EPHB2: variants seen among roughly 807,000 people sequenced by gnomAD.
The protein encoded by EPHB2 is EPH receptor B2.
A neutral mutation model predicts 96.4 loss-of-function variants in EPHB2; 18 were observed. The ratio of observed to expected loss-of-function variants is 0.19; its 90% confidence interval spans 0.13 to 0.28. The LOEUF is 0.28. EPHB2 is among the 10% of genes least tolerant of loss of function. The pLI is 1.00. For missense variants in EPHB2, 989 were observed against 1,355.4 expected (o/e 0.73, Z 4.25); for synonymous variants, 506 against 534.1 (o/e 0.95, Z 0.72).
At chr1:22,832,673 G>C (rs1203891325) in intron 3 of EPHB2, among the ~76,000 whole-genome samples, 1 of 152,124 alleles carries the variant, frequency 6.6e-6, no homozygotes, top group African/African-American at 2.4e-5. Flanking sequence ...GACCACACAA[G>C]AGCCTGGTTA....
chr1:22,721,778 G>A (rs557668156), intron 1 of EPHB2, among the ~76,000 whole-genome samples: 1 of 149,610 alleles, frequency 6.7e-6, no homozygotes, highest in South Asian at 2.1e-4. Flanking sequence ...ACCGCATCCA[G>A]CATTTTTTTT....
intron 3 of EPHB2, among the ~76,000 whole-genome samples, chr1:22,850,876 G>T (rs1258096112): frequency 6.6e-6 from 1 of 152,264 alleles, no homozygotes; most frequent in Admixed American, 6.5e-5. Context: ...TCTCAGGGCA[G>T]CCAAGAGGTC....
At chr1:22,868,614 G>T (rs1270639698) in intron 5 of EPHB2, among the ~76,000 whole-genome samples, 2 of 152,120 alleles carry the variant, frequency 1.3e-5, no homozygotes, top group Admixed American at 6.6e-5. Flanking sequence ...AGCCACCCCA[G>T]GCTTGTTTCT....
intron 2 of EPHB2, among the ~76,000 whole-genome samples, chr1:22,783,611 G>T (rs1644565551): frequency 6.6e-6 from 1 of 152,234 alleles, no homozygotes; most frequent in Non-Finnish European, 1.5e-5. Flanking sequence ...ACTCAGCAGT[G>T]GGAAGGAGCC....
rs1323590168 is a variant in EPHB2, at chr1:22,921,329, GT to G, written c.*7761del. ...GAGGTCAGGGACTGATACAGCTGGGGTTCCAACCGCCGTGGGTCAGACCTGG... is the reference window on the plus strand; with the variant it reads ...GAGGTCAGGGACTGATACAGCTGGGGTCCAACCGCCGTGGGTCAGACCTGG... On this transcript the variant is annotated 3_prime_UTR_variant, in exon 16 of 16. Transcript: ENST00000374630. 6.6e-6 allele frequency: 1 copy of G among 152,180 alleles called. No individual in the cohort carries two copies. The highest frequency in any genetic ancestry group is 2.4e-5 in the African/African-American group (1 of 41,440). 9.4% of individuals were successfully genotyped at this position (152,180 alleles called of 1,614,324 possible).
At chr1:22,883,301 AATG>A (rs1639111668) in intron 6 of EPHB2, among the ~76,000 whole-genome samples, 1 of 152,222 alleles carries the variant, frequency 6.6e-6, no homozygotes, top group African/African-American at 2.4e-5. Context: ...CACAGTGGGC[AATG>A]GTGACAGGAT....
chr1:22,765,988 C>G (rs1178180265), intron 1 of EPHB2, among the ~76,000 whole-genome samples: 1 of 152,210 alleles, frequency 6.6e-6, no homozygotes. Flanking sequence ...ATTCCTTAGA[C>G]ATTCCCTGTT....
At chr1:22,887,203 G>A (rs1639254433) in intron 6 of EPHB2, among the ~76,000 whole-genome samples, 1 of 152,082 alleles carries the variant, frequency 6.6e-6, no homozygotes, top group African/African-American at 2.4e-5. Context: ...TGGCAGAGGG[G>A]TAGGAGCAGA....
Position 22,784,643 on chromosome 1 carries a change from C to T in EPHB2, c.378C>T (p.Thr126=). 1 of 1,614,132 alleles carries T rather than the reference C, an allele frequency of 6.2e-7. No individual in the cohort carries two copies. Among genetic ancestry groups the T allele is most frequent in the Non-Finnish European group, 8.5e-7 (1 of 1,180,040 alleles). ...YEADFDSATK[T]FPNWMENPWV... ...CTGACTTTGACTCGGCCACCAAGACCTTCCCCAACTGGATGGAGAATCCAT... is the reference window on the plus strand; with the variant it reads ...CTGACTTTGACTCGGCCACCAAGACTTTCCCCAACTGGATGGAGAATCCAT... Residue 126 remains threonine, a synonymous_variant, in exon 3 of 16, where the codon ACC becomes ACT. Coordinates refer to ENST00000374630, the MANE Select transcript of EPHB2 (RefSeq NM_017449.5). The surrounding 1 kb of genome is among the most constrained non-coding windows in gnomAD (Gnocchi z 5.1).
rs1323350003 is a variant in EPHB2, at chr1:22,858,470, G to A, written c.812-4567G>A. ...CTCTCTCTGTCATTATTCCATGCAGGGATCATCAGCCCCCTTTCCAGATGA... is the reference window on the plus strand; with the variant it reads ...CTCTCTCTGTCATTATTCCATGCAGAGATCATCAGCCCCCTTTCCAGATGA... On this transcript the variant is annotated intron_variant, in intron 3 of 15. Coordinates refer to ENST00000374630, the MANE Select transcript of EPHB2 (RefSeq NM_017449.5). This position sits in a 1 kb window ranked among gnomAD's most constrained non-coding sequence, Gnocchi z 7.7. 6.6e-6 allele frequency among the ~76,000 whole-genome samples: 1 copy of A among 152,152 alleles called. No individual in the cohort carries two copies. The highest frequency in any genetic ancestry group is 1.5e-5 in the Non-Finnish European group (1 of 68,016).
At chr1:22,844,645 C>A (rs1645515412) in intron 3 of EPHB2, among the ~76,000 whole-genome samples, 1 of 152,210 alleles carries the variant, frequency 6.6e-6, no homozygotes, top group South Asian at 2.1e-4. Flanking sequence ...CAAGGTCACT[C>A]AGCTAGGAAG....
intron 3 of EPHB2, among the ~76,000 whole-genome samples, chr1:22,859,542 T>C (rs1356560738): frequency 1.3e-5 from 2 of 152,182 alleles, no homozygotes; most frequent in East Asian, 1.9e-4. Context: ...ATGTCTGTAA[T>C]CCCAGCACTT....
rs1638222472 is a variant in EPHB2, at chr1:22,860,884, T to C, written c.812-2153T>C. 6.6e-6 allele frequency among the ~76,000 whole-genome samples: 1 copy of C among 151,958 alleles called. No individual in the cohort carries two copies. Among genetic ancestry groups the C allele is most frequent in the African/African-American group, 2.4e-5 (1 of 41,344 alleles). On this transcript the variant is annotated intron_variant, in intron 3 of 15. Transcript: ENST00000374630. This position sits in a 1 kb window ranked among gnomAD's most constrained non-coding sequence, Gnocchi z 4.6. ...AGTGCCAAGATGGTGAGGCTGCCCC[T>C]TCATCCAGCCATCAGGGAAAGGTCG...
At chr1:22,841,882 G>A (rs1379667249) in intron 3 of EPHB2, among the ~76,000 whole-genome samples, 1 of 152,178 alleles carries the variant, frequency 6.6e-6, no homozygotes, top group Non-Finnish European at 1.5e-5. Flanking sequence ...GTAACATTTT[G>A]ATTCCCTGGC....
chr1:22,888,497 A>G (rs1337267121), intron 6 of EPHB2, among the ~76,000 whole-genome samples: 1 of 152,216 alleles, frequency 6.6e-6, no homozygotes, highest in Non-Finnish European at 1.5e-5. Context: ...CCCACTTTAG[A>G]GATGAGAAAA....
chr1:22,778,760 CAG>C (rs1570260894), intron 1 of EPHB2, among the ~76,000 whole-genome samples: 1 of 152,358 alleles, frequency 6.6e-6, no homozygotes, highest in East Asian at 1.9e-4. Context: ...GTAGAAGACA[CAG>C]GGGGACAGTG....
intron 6 of EPHB2, among the ~76,000 whole-genome samples, chr1:22,883,230 G>A (rs912464568): frequency 2.6e-5 from 4 of 152,242 alleles, no homozygotes; most frequent in Non-Finnish European, 4.4e-5. Context: ...CCCAGAATGG[G>A]ACCTGGCCCT....
chr1:22,871,083 A>G lies in EPHB2; in HGVS notation c.1303+5871A>G, dbSNP rs139819993. On this transcript the variant is annotated intron_variant, in intron 5 of 15. Coordinates refer to ENST00000374630, the MANE Select transcript of EPHB2 (RefSeq NM_017449.5). ...CCAGGCACCGTGCTAAGCCCTTAAC[A>G]CTGAATCCTCACAACGATACGAGGT... 8.5e-5 allele frequency among the ~76,000 whole-genome samples: 13 copies of G among 152,294 alleles called. 1 individual carries two copies. The highest frequency in any genetic ancestry group is 2.6e-4 in the African/African-American group (11 of 41,568).
chr1:22,894,577 C>G (rs1428974556), intron 7 of EPHB2, among the ~76,000 whole-genome samples: 1 of 138,670 alleles, frequency 7.2e-6, no homozygotes, highest in Non-Finnish European at 1.5e-5. Flanking sequence ...AGCCTAGTGA[C>G]AAGAGTGAAA....
Sources: allele counts gnomAD v4.1 joint callset (sites outside exome capture counted in the v4.1 genomes callset), GRCh38; gene constraint gnomAD v4.1.1; non-coding constraint Gnocchi (gnomAD v3.1); transcripts MANE v1.5; gene names NCBI Gene and HGNC (gene_info 2026-07-23, HGNC 2026-07-21).